Variants in APC observed in about 807,000 individuals in gnomAD.
APC encodes the protein adenomatous polyposis coli protein.
Under a neutral mutation model 247.0 loss-of-function variants are expected in APC, and 72 were observed. The observed-to-expected ratio is 0.29, with a 90% CI of 0.24 to 0.35. The LOEUF is 0.35. Ranked by LOEUF, APC falls within the 10% of genes least tolerant of loss-of-function variation. The pLI is 1.00. For missense variants in APC, 3,400 were observed against 3,360.7 expected (o/e 1.01, Z -0.29); for synonymous variants, 1,254 against 1,162.5 (o/e 1.08, Z -1.60).
intron 10 of APC, among the ~76,000 whole-genome samples, chr5:112,820,298 A>T (rs1276227527): frequency 1.3e-5 from 2 of 152,074 alleles, no homozygotes; most frequent in Non-Finnish European, 2.9e-5. Flanking sequence ...ATGAACCTAT[A>T]GCAGATTTTT....
At chr5:112,809,213 T>A (rs999160330) in intron 8 of APC, among the ~76,000 whole-genome samples, 2 of 146,880 alleles carry the variant, frequency 1.4e-5, no homozygotes, top group African/African-American at 2.6e-5. Flanking sequence ...AAAAAAAAAA[T>A]TAGGCGTGGT....
intron 6 of APC, among the ~76,000 whole-genome samples, chr5:112,786,176 C>T (rs1393290581): frequency 1.3e-5 from 2 of 152,108 alleles, no homozygotes; most frequent in African/African-American, 4.8e-5. Context: ...TACACTACAG[C>T]CTCAAACGGC....
At chr5:112,716,407 A>T (rs894503018) in intron 1 of APC, among the ~76,000 whole-genome samples, 27 of 152,234 alleles carry the variant, frequency 1.8e-4, no homozygotes, top group African/African-American at 5.5e-4. Context: ...TTTGTTTTTA[A>T]TTTGTAAAAT....
chr5:112,736,650 T>TCACG (rs1752407312), upstream of APC, among the ~76,000 whole-genome samples: 1 of 152,236 alleles, frequency 6.6e-6, no homozygotes, highest in Non-Finnish European at 1.5e-5. Flanking sequence ...GCACAGTGGC[T>TCACG]CACGCATGTA....
Position 112,838,313 on chromosome 5 carries a change from G to A in APC, c.2719G>A (p.Gly907Arg), listed in dbSNP as rs771458366. The A allele has an allele frequency of 1.8e-5, 29 of 1,614,052 alleles. 1 individual carries two copies. In the Admixed American group the frequency reaches 3.2e-4, roughly 18 times the overall value. The part of the protein sequence containing the change: ...IHTSQEDRSS[G>R]STTELHCVTD... ...TACCTCTCAGGAAGACAGAAGTTCTGGGTCTACCACTGAATTACATTGTGT... is the reference window on the plus strand; with the variant it reads ...TACCTCTCAGGAAGACAGAAGTTCTAGGTCTACCACTGAATTACATTGTGT... The change falls in exon 16 of 16, where the codon GGG becomes AGG. Residue 907 changes from glycine (G) to arginine (R), a missense_variant. Around this residue, in one of 9 missense-constraint regions of APC, gnomAD observed 715 missense variants for 656.6 expected, o/e 1.09. Coordinates refer to ENST00000257430, the MANE Select transcript of APC (RefSeq NM_000038.6).
intron 1 of APC, among the ~76,000 whole-genome samples, chr5:112,746,051 C>T (rs1386540082): frequency 6.6e-6 from 1 of 152,002 alleles, no homozygotes; most frequent in African/African-American, 2.4e-5. Flanking sequence ...GCAAACAGAA[C>T]ATCAGTGAGA....
chr5:112,806,212 T>G (rs1291762492), intron 8 of APC, among the ~76,000 whole-genome samples: 1 of 152,242 alleles, frequency 6.6e-6, no homozygotes, highest in Non-Finnish European at 1.5e-5. Flanking sequence ...CACAGCATGT[T>G]CCTCTCGTTT....
At chr5:112,780,451 A>C (rs1313310041) in intron 5 of APC, among the ~76,000 whole-genome samples, 1 of 152,210 alleles carries the variant, frequency 6.6e-6, no homozygotes, top group African/African-American at 2.4e-5. Flanking sequence ...AATTAAAAGT[A>C]GTGCCTCTTC....
At chr5:112,735,510 T>TAA (rs71835794), upstream of APC, among the ~76,000 whole-genome samples, 1 of 150,932 alleles carries the variant, frequency 6.6e-6, no homozygotes, top group East Asian at 1.9e-4. Flanking sequence ...CATATATATA[T>TAA]ATATATATGT....
rs565655656 is a variant in APC at position 112,799,983 on chromosome 5, A to G, written c.730-1296A>G. Among the ~76,000 whole-genome samples, 9 of 152,262 alleles carry G rather than the reference A, an allele frequency of 5.9e-5. No individual in the cohort carries two copies. In the South Asian group the frequency reaches 1.5e-3, roughly 25 times the overall value. On this transcript the variant is annotated intron_variant, in intron 7 of 15. Coordinates refer to ENST00000257430, the MANE Select transcript of APC (RefSeq NM_000038.6). ...CTTCCAAACCTCCAGAGTATATCAT[A>G]TCTCTCTGTTATATATATTTACAGC...
At position 112,842,242 on chromosome 5, in the gene APC, C is replaced by T. The variant is rs776930640; in HGVS notation, c.6648C>T (p.Pro2216=). The T allele has an allele frequency of 1.1e-5, 17 of 1,613,986 alleles. No homozygotes were observed. The highest frequency in any genetic ancestry group is 1.4e-5 in the Non-Finnish European group (17 of 1,179,906). ...NSEISGQMKQ[P]LQANMPSISR... The stretch of plus-strand genomic sequence containing the variant: ...AAATTTCAGGCCAAATGAAACAGCC[C>T]CTTCAAGCAAACATGCCTTCAATCT... The change falls in exon 16 of 16, where the codon CCC becomes CCT. Residue 2216 remains proline (P), a synonymous_variant. Coordinates refer to ENST00000257430, the MANE Select transcript of APC (RefSeq NM_000038.6).
At chr5:112,748,881 C>T (rs960051097) in intron 1 of APC, among the ~76,000 whole-genome samples, 1 of 152,090 alleles carries the variant, frequency 6.6e-6, no homozygotes, top group Non-Finnish European at 1.5e-5. Flanking sequence ...TCTGTAGTCC[C>T]AGTTACTCTA....
At chr5:112,804,956 G>A (rs999222051) in intron 8 of APC, among the ~76,000 whole-genome samples, 9 of 151,866 alleles carry the variant, frequency 5.9e-5, no homozygotes, top group African/African-American at 2.2e-4. Context: ...ATTCCAGCCT[G>A]GGTAACAAGG....
chr5:112,728,729 T>C (rs1310675456), intron 1 of APC, among the ~76,000 whole-genome samples: 1 of 152,082 alleles, frequency 6.6e-6, no homozygotes, highest in Non-Finnish European at 1.5e-5. Flanking sequence ...AATCATATTT[T>C]CCAGTTGAAA....
chr5:112,794,893 C>A (rs1760033797), intron 7 of APC, among the ~76,000 whole-genome samples: 1 of 152,106 alleles, frequency 6.6e-6, no homozygotes, highest in African/African-American at 2.4e-5. Context: ...GGATACAGAT[C>A]AAGAATGGCC....
intron 10 of APC, among the ~76,000 whole-genome samples, chr5:112,820,974 A>C (rs558183715): frequency 6.7e-6 from 1 of 149,088 alleles, no homozygotes; most frequent in Non-Finnish European, 1.5e-5. Context: ...CACTCCTCCT[A>C]CCTCAGCCTC....
rs786202960 is a variant in APC, at chr5:112,841,035, A to T, written c.5441A>T (p.Gln1814Leu). The change falls in exon 16 of 16, where the codon CAG becomes CTG. Residue 1814 changes from glutamine to leucine, a missense_variant. Coordinates refer to ENST00000257430, the MANE Select transcript of APC (RefSeq NM_000038.6). This position sits in a 1 kb window ranked among gnomAD's most constrained non-coding sequence, Gnocchi z 4.6. The part of the protein sequence containing the change: ...VFSDNKDSKK[Q>L]NLKNNSKVFN... ...TCAGACAACAAAGATTCAAAGAAAC[A>T]GAATTTGAAAAATAATTCCAAGGTC... 1 of 1,610,982 alleles carries T rather than the reference A, an allele frequency of 6.2e-7. No individual in the cohort carries two copies. The highest frequency in any genetic ancestry group is 8.5e-7 in the Non-Finnish European group (1 of 1,177,274).
chr5:112,822,637 G>C (rs978793946), intron 11 of APC, among the ~76,000 whole-genome samples: 3 of 151,992 alleles, frequency 2.0e-5, no homozygotes, highest in Non-Finnish European at 4.4e-5. Context: ...TTGATTTCTA[G>C]GTTCATTTTG....
chr5:112,813,187 T>A (rs747906445), intron 8 of APC, among the ~76,000 whole-genome samples: 40 of 152,200 alleles, frequency 2.6e-4, no homozygotes, highest in Non-Finnish European at 5.4e-4. Flanking sequence ...TGAAGAAAGA[T>A]TAGTATGTGA....
Sources: allele counts gnomAD v4.1 joint callset (sites outside exome capture counted in the v4.1 genomes callset), GRCh38; gene constraint gnomAD v4.1.1; regional missense constraint gnomAD v4.1.1; non-coding constraint Gnocchi (gnomAD v3.1); transcripts MANE v1.5; gene names NCBI Gene and HGNC (gene_info 2026-07-23, HGNC 2026-07-21).